The following SPTBN2 variants were observed in gnomAD, a reference collection of about 807,000 sequenced individuals.
The protein encoded by SPTBN2 is spectrin beta, non-erythrocytic 2, also known as spectrin beta chain, non-erythrocytic 2.
SPTBN2 carries 107 observed loss-of-function variants against 284.2 expected under a neutral mutation model. The observed-to-expected ratio is 0.38, with a 90% confidence interval of 0.32 to 0.44. The LOEUF is 0.44. SPTBN2 is among the 20% of genes least tolerant of loss of function. The pLI is 1.00. For synonymous variants in SPTBN2, 1,289 were observed against 1,354.8 expected, an observed-to-expected ratio of 0.95 and a Z score of 1.07; for missense variants, 2,569 against 3,287.1, an observed-to-expected ratio of 0.78 and a Z score of 5.34.
intron 1 of SPTBN2, among the ~76,000 whole-genome samples, chr11:66,727,075 T>C (rs1450305288): frequency 6.6e-6 from 1 of 152,196 alleles, no homozygotes; most frequent in Non-Finnish European, 1.5e-5. Context: ...TTTATTCAAA[T>C]ATTCAGATTC....
Position 66,690,053 on chromosome 11 carries a change from G to A in SPTBN2, c.5796C>T (p.Ala1932=). Residue 1932 remains alanine, a synonymous_variant, in exon 28 of 38, where the codon GCC becomes GCT. Transcript: ENST00000533211. The part of the protein sequence containing the change: ...WMDEVNLQMD[A]QERPRDVSSA... ...GGGATTCTCACCGGGGACGCTCCTG[G>A]GCATCCATCTGCAGGTTGACCTCAT... The A allele has an allele frequency of 1.2e-6, 2 of 1,614,226 alleles. No individual in the cohort carries two copies. The highest frequency in any genetic ancestry group is 1.7e-6 in the Non-Finnish European group (2 of 1,180,040).
chr11:66,707,407 C>T lies in SPTBN2; in HGVS notation c.1653+109G>A, dbSNP rs1941617048. 1 of 1,203,284 alleles carries T rather than the reference C, an allele frequency of 8.3e-7. No homozygotes were observed. Among genetic ancestry groups the T allele is most frequent in the Non-Finnish European group, 1.2e-6 (1 of 854,700 alleles). The allele number at this position is 1,203,284 out of a possible 1,614,324, so 74.5% of individuals were successfully genotyped here. On this transcript the variant is annotated intron_variant, in intron 13 of 37. Transcript: ENST00000533211. The surrounding 1 kb of genome is among the most constrained non-coding windows in gnomAD (Gnocchi z 4.9). ...CTGCAACTGGGGACAGGGCCCTGTG[C>T]TGGTTCACACTCCACAGAGATCGGC...
At position 66,687,393 on chromosome 11, in the gene SPTBN2, T is replaced by G; in HGVS notation, c.6722+34A>C. 2 of 1,596,920 alleles carry G rather than the reference T, an allele frequency of 1.3e-6. No individual in the cohort carries two copies. The highest frequency in any genetic ancestry group is 1.7e-6 in the Non-Finnish European group (2 of 1,175,268). The stretch of plus-strand genomic sequence containing the variant: ...TATCTGGGCAGAGGCTCTGGGGAAG[T>G]GCCCTCTGAGAGCAGGCTCCAGAGA... On this transcript the variant is annotated intron_variant, in intron 35 of 37. Coordinates refer to ENST00000533211, the MANE Select transcript of SPTBN2 (RefSeq NM_006946.4). This position sits in a 1 kb window ranked among gnomAD's most constrained non-coding sequence, Gnocchi z 5.2.
intron 1 of SPTBN2, among the ~76,000 whole-genome samples, chr11:66,743,896 T>G (rs1942926659): frequency 6.6e-6 from 1 of 152,176 alleles, no homozygotes; most frequent in East Asian, 1.9e-4. Flanking sequence ...GTTTCGCTCT[T>G]TTTGCCCAGG....
Position 66,693,524 on chromosome 11 carries a change from CT to C in SPTBN2, c.4594-79del, listed in dbSNP as rs1940709876. 4.5e-6 allele frequency: 7 copies of C among 1,541,988 alleles called. No homozygotes were observed. Among genetic ancestry groups the C allele is most frequent in the Non-Finnish European group, 6.1e-6 (7 of 1,150,458 alleles). ...TGCTCCCGGAGACCACCCTTCACCC[CT>C]GTGCCTCTCTCCTTCCTGGGTCCTC... On this transcript the variant is annotated intron_variant, in intron 23 of 37. Coordinates refer to ENST00000533211, the MANE Select transcript of SPTBN2 (RefSeq NM_006946.4). This position sits in a 1 kb window ranked among gnomAD's most constrained non-coding sequence, Gnocchi z 5.7.
At chr11:66,701,498 C>T (rs1256803175) in intron 16 of SPTBN2, 86 bp downstream of exon 16, 15 of 1,604,030 alleles carry the variant, frequency 9.4e-6, no homozygotes, top group Non-Finnish European at 1.3e-5. Context: ...AGCCACCCTT[C>T]CAGGCCCTAC....
In SPTBN2 at chr11:66,707,875, CTCCTCTG is replaced by C; in HGVS notation, c.1351-64_1351-58del. Reference sequence around the variant, plus strand: ...GACCAAGGGACAGTGCCTCTGCCTGCTCCTCTGTCCTGCAGGGCACTTGGCCTGCAAG... The same window carrying C: ...GACCAAGGGACAGTGCCTCTGCCTGCTCCTGCAGGGCACTTGGCCTGCAAG... On this transcript the variant is annotated intron_variant, in intron 12 of 37. Transcript: ENST00000533211. The surrounding 1 kb of genome is among the most constrained non-coding windows in gnomAD (Gnocchi z 4.9). 1 of 1,586,102 alleles carries C rather than the reference CTCCTCTG, an allele frequency of 6.3e-7. No homozygotes were observed.
chr11:66,686,999 C>T lies in SPTBN2; in HGVS notation c.6891G>A (p.Lys2297=), dbSNP rs746666958. 1 of 1,614,038 alleles carries T rather than the reference C, an allele frequency of 6.2e-7. No homozygotes were observed. The highest frequency in any genetic ancestry group is 8.5e-7 in the Non-Finnish European group (1 of 1,180,046). The change falls in exon 36 of 38, where the codon AAG becomes AAA. Residue 2297 remains lysine, a synonymous_variant. Coordinates refer to ENST00000533211, the MANE Select transcript of SPTBN2 (RefSeq NM_006946.4). ...GCACTGTTCCCTGTTCCTACCCCAG[C>T]TTGAAGACATGTTTGCGCTTTCGGT... ...FDYRKRKHVF[K]LGLQDGKEYL...
At position 66,690,075 on chromosome 11, in the gene SPTBN2, T is replaced by A; in HGVS notation, c.5774A>T (p.Glu1925Val). Residue 1925 changes from glutamate to valine, a missense_variant, in exon 28 of 38, where the codon GAG (glutamate) becomes GTG (valine). Physicochemically the swap from Glu to Val is moderately radical, Grantham distance 121. Coordinates refer to ENST00000533211, the MANE Select transcript of SPTBN2 (RefSeq NM_006946.4). ...CTGGGCATCCATCTGCAGGTTGACCTCATCCATCCAGAGCATCAGTTCCCG... is the reference window on the plus strand; with the variant it reads ...CTGGGCATCCATCTGCAGGTTGACCACATCCATCCAGAGCATCAGTTCCCG... ...AVRELMLWMD[E>V]VNLQMDAQER... 1 of 1,614,266 alleles carries A rather than the reference T, an allele frequency of 6.2e-7. No individual in the cohort carries two copies. The highest frequency in any genetic ancestry group is 8.5e-7 in the Non-Finnish European group (1 of 1,180,040).
rs1471418962 is a variant in SPTBN2 at position 66,704,807 on chromosome 11, C to A, written c.2469G>T (p.Val823=). The change falls in exon 15 of 38, where the codon GTG becomes GTT. Residue 823 remains valine, a synonymous_variant. Coordinates refer to ENST00000533211, the MANE Select transcript of SPTBN2 (RefSeq NM_006946.4). ...LPPTLSRTPE[V]QSRVPTLERH... ...GCTCCAGGGTGGGCACCCGGCTCTG[C>A]ACCTCGGGCGTGCGGCTCAGTGTGG... 29 of 1,605,762 alleles carry A rather than the reference C, an allele frequency of 1.8e-5. No individual in the cohort carries two copies. The highest frequency in any genetic ancestry group is 2.5e-5 in the Non-Finnish European group (29 of 1,178,876).
chr11:66,720,941 G>A (rs1423485669), intron 3 of SPTBN2, 143 bp downstream of exon 3: 41 of 1,127,248 alleles, frequency 3.6e-5, no homozygotes, highest in Non-Finnish European at 4.8e-5. Context: ...GGCTGGATGT[G>A]GGGACCAGGG....
At chr11:66,701,563 G>A (rs1463488946) in intron 16 of SPTBN2, 21 bp downstream of exon 16, 3 of 1,613,820 alleles carry the variant, frequency 1.9e-6, no homozygotes, top group Non-Finnish European at 2.5e-6. Context: ...CAGTTTCCTG[G>A]TCCTGCCCTC....
At chr11:66,730,542 T>G (rs1316627305), upstream of SPTBN2, among the ~76,000 whole-genome samples, 1 of 149,146 alleles carries the variant, frequency 6.7e-6, no homozygotes, top group Non-Finnish European at 1.5e-5. Flanking sequence ...ATTGTGCCAC[T>G]GCACTTCAGC....
Position 66,684,125 on chromosome 11 carries a change from G to T in SPTBN2, c.*1746C>A, listed in dbSNP as rs561895998. Among the ~76,000 whole-genome samples, 3 of 152,164 alleles carry T rather than the reference G, an allele frequency of 2.0e-5. No individual in the cohort carries two copies. The highest frequency in any genetic ancestry group is 7.2e-5 in the African/African-American group (3 of 41,436). On this transcript the variant is annotated 3_prime_UTR_variant, in exon 38 of 38. Transcript: ENST00000533211. ...CTTCGTCATGACTGATGATAGGCCC[G>T]CAGTCAATGACTAAAGATGGGGCTG... is the stretch of plus-strand genomic sequence containing the variant.
chr11:66,709,467 G>A (rs141618515), intron 10 of SPTBN2, among the ~76,000 whole-genome samples: 1,823 of 152,248 alleles, frequency 0.012, 10 homozygotes, highest in Non-Finnish European at 0.015. Context: ...CATGAGCCAC[G>A]GTGCCCAGCC....
chr11:66,700,763 T>C lies in SPTBN2; in HGVS notation c.3336A>G (p.Gly1112=). The change falls in exon 17 of 38, where the codon GGA becomes GGG. Residue 1112 remains glycine (G), a synonymous_variant. Coordinates refer to ENST00000533211, the MANE Select transcript of SPTBN2 (RefSeq NM_006946.4). The surrounding 1 kb of genome is among the most constrained non-coding windows in gnomAD (Gnocchi z 6.6). ...ALLAQHAALR[G]EVERAQSEYS... is the part of the protein sequence containing the mutation. The stretch of plus-strand genomic sequence containing the variant: ...ACTCGCTCTGGGCCCGCTCCACCTC[T>C]CCCCGCAGGGCTGCATGTTGGGCCA... 1 of 1,602,068 alleles carries C rather than the reference T, an allele frequency of 6.2e-7. No individual in the cohort carries two copies. The highest frequency in any genetic ancestry group is 8.5e-7 in the Non-Finnish European group (1 of 1,179,758).
Position 66,714,308 on chromosome 11 carries a change from G to GGCAC in SPTBN2, c.575+7_575+8insGTGC, listed in dbSNP as rs778813840. 75 of 1,613,678 alleles carry GGCAC rather than the reference G, an allele frequency of 4.6e-5. No individual in the cohort carries two copies. The South Asian group carries it at 5.9e-4, about 13-fold the overall frequency. On this transcript the variant is annotated splice_region_variant and intron_variant, in intron 6 of 37. Transcript: ENST00000533211. ...CCCTCCAGTGCCACACGCCCAGGGTGTCCTCACCCTGCAGTCTTCATCTGG... is the reference window on the plus strand; with the variant it reads ...CCCTCCAGTGCCACACGCCCAGGGTGGCACTCCTCACCCTGCAGTCTTCATCTGG...
In SPTBN2 at chr11:66,698,687, G is replaced by A. The variant is rs779391339; in HGVS notation, c.3966C>T (p.Phe1322=). 2 of 1,614,276 alleles carry A rather than the reference G, an allele frequency of 1.2e-6. No individual in the cohort carries two copies. The highest frequency in any genetic ancestry group is 1.1e-5 in the South Asian group (1 of 91,088). ...LHTKWQKHQA[F]MAELAANKDW... ...CTTTGTTGGCAGCCAGCTCGGCCAT[G>A]AATGCCTGGTGCTTCTGCCACTTAG... The change falls in exon 20 of 38, where the codon TTC becomes TTT. Residue 1322 remains phenylalanine, a synonymous_variant. Transcript: ENST00000533211.
intron 5 of SPTBN2, 53 bp from the exon 6 acceptor site, chr11:66,714,460 T>TAGAG: frequency 1.4e-6 from 2 of 1,450,916 alleles, no homozygotes; most frequent in Non-Finnish European, 1.9e-6. Flanking sequence ...CTCCTGGTGT[T>TAGAG]ATCAGAGATG....
Sources: allele counts gnomAD v4.1 joint callset (sites outside exome capture counted in the v4.1 genomes callset), GRCh38; gene constraint gnomAD v4.1.1; non-coding constraint Gnocchi (gnomAD v3.1); transcripts MANE v1.5; gene names NCBI Gene and HGNC (gene_info 2026-07-23, HGNC 2026-07-21).